Variants in BZW2 observed in about 807,000 individuals in gnomAD.
BZW2 encodes the protein basic leucine zipper and W2 domains 2.
Under a neutral mutation model 53.2 loss-of-function variants are expected in BZW2, and 23 were observed. The ratio of observed to expected loss-of-function variants is 0.43; its 90% CI spans 0.31 to 0.61. The LOEUF (loss-of-function observed/expected upper bound fraction) is 0.61, where lower values mean the gene tolerates loss of function less well. BZW2 is among the 20% of genes least tolerant of loss of function. BZW2 has a pLI of 0.09. For missense variants in BZW2, 409 were observed against 503.1 expected, an observed-to-expected ratio of 0.81 and a Z score of 1.79; for synonymous variants, 227 against 186.4, an observed-to-expected ratio of 1.22 and a Z score of -1.77.
At chr7:16,684,293 T>C (rs981726710) in intron 5 of BZW2, among the ~76,000 whole-genome samples, 5 of 152,324 alleles carry the variant, frequency 3.3e-5, no homozygotes, top group African/African-American at 1.2e-4. Context: ...TTTTCTGTAA[T>C]TGGAGATGGA....
At chr7:16,658,320 A>AGTT (rs1782168706) in intron 1 of BZW2, among the ~76,000 whole-genome samples, 1 of 152,208 alleles carries the variant, frequency 6.6e-6, no homozygotes, top group Non-Finnish European at 1.5e-5. Flanking sequence ...GACATTGTGT[A>AGTT]GTTGCCTTAA....
Position 16,689,856 on chromosome 7 carries a change from A to C in BZW2, c.601A>C (p.Asn201His), listed in dbSNP as rs1225135493. The C allele has an allele frequency of 6.2e-7, 1 of 1,612,324 alleles. No individual in the cohort carries two copies. The highest frequency in any genetic ancestry group is 8.5e-7 in the Non-Finnish European group (1 of 1,179,152). ...AGCATGGATGGCAGAAAAAGATGCCAACTCTGTTACCTCGTCTTTGAGAAA... is the reference window on the plus strand; with the variant it reads ...AGCATGGATGGCAGAAAAAGATGCCCACTCTGTTACCTCGTCTTTGAGAAA... ...FKAWMAEKDA[N>H]SVTSSLRKAN... The change falls in exon 7 of 12, where the codon AAC (asparagine) becomes CAC (histidine). Residue 201 changes from asparagine to histidine, a missense_variant. Physicochemically the swap from Asn to His is moderately conservative, Grantham distance 68. Around this residue, in one of 3 missense-constraint regions of BZW2, gnomAD observed 316 missense variants for 366.8 expected, o/e 0.86. Coordinates refer to ENST00000258761, the MANE Select transcript of BZW2 (RefSeq NM_014038.3).
chr7:16,659,872 T>G (rs991724008), intron 1 of BZW2, among the ~76,000 whole-genome samples: 1 of 151,984 alleles, frequency 6.6e-6, no homozygotes, highest in Non-Finnish European at 1.5e-5. Context: ...TTATTATACT[T>G]TAAGTTCTAG....
intron 5 of BZW2, 127 bp downstream of exon 5, chr7:16,682,972 T>G: frequency 2.2e-6 from 1 of 450,518 alleles, no homozygotes; most frequent in Non-Finnish European, 3.7e-6. Flanking sequence ...CCGAGACGGG[T>G]GGGTCACAAG....
chr7:16,660,685 G>C (rs1782230748), intron 1 of BZW2, among the ~76,000 whole-genome samples: 1 of 152,108 alleles, frequency 6.6e-6, no homozygotes, highest in South Asian at 2.1e-4. Flanking sequence ...TTTAAATTTA[G>C]TTAATGGAAA....
intron 2 of BZW2, among the ~76,000 whole-genome samples, chr7:16,668,074 T>G (rs942220041): frequency 6.6e-6 from 1 of 152,212 alleles, no homozygotes; most frequent in Admixed American, 6.5e-5. Context: ...AATGTGATAA[T>G]AGCTAATATA....
intron 1 of BZW2, among the ~76,000 whole-genome samples, chr7:16,656,108 CAT>C (rs1261242615): frequency 5.4e-4 from 79 of 146,778 alleles, no homozygotes; most frequent in African/African-American, 2.1e-3. Flanking sequence ...TGTATATATA[CAT>C]ATATATGTGT....
intron 3 of BZW2, among the ~76,000 whole-genome samples, chr7:16,680,192 G>A (rs1306229036): frequency 3.3e-5 from 5 of 152,098 alleles, no homozygotes; most frequent in African/African-American, 9.7e-5. Context: ...AGTCAGATCT[G>A]GTCAGTTCTG....
At chr7:16,703,593 G>T (rs915505065) in intron 10 of BZW2, among the ~76,000 whole-genome samples, 1 of 151,782 alleles carries the variant, frequency 6.6e-6, no homozygotes, top group Non-Finnish European at 1.5e-5. Context: ...CACATCTCGG[G>T]GACAATAATA....
At position 16,706,416 on chromosome 7, in the gene BZW2, C is replaced by G. The variant is rs1783859180; in HGVS notation, c.*328C>G. On this transcript the variant is annotated 3_prime_UTR_variant, in exon 12 of 12. Transcript: ENST00000258761. ...GTATTTTTCAGGTACTGTGTGGTGA[C>G]CGCCCCACTGGTGTCTATTACAGGC... The G allele has an allele frequency of 4.2e-6, 1 of 240,474 alleles. No individual in the cohort carries two copies. Among genetic ancestry groups the G allele is most frequent in the African/African-American group, 2.3e-5 (1 of 44,254 alleles). 14.9% of individuals were successfully genotyped at this position (240,474 alleles called of 1,614,324 possible).
In BZW2 at chr7:16,706,091, G is replaced by T. The variant is rs7780235; in HGVS notation, c.*3G>T. 4.5e-3 allele frequency: 7,325 copies of T among 1,613,226 alleles called. 262 individuals are homozygous for T. In the African/African-American group the frequency reaches 0.086, roughly 19 times the overall value. On this transcript the variant is annotated 3_prime_UTR_variant, in exon 12 of 12. Coordinates refer to ENST00000258761, the MANE Select transcript of BZW2 (RefSeq NM_014038.3). ...AATCGGAAGGTGAGGAAAATTAAAT[G>T]GCTCAACAAGCACAATACCTAGGTT...
At chr7:16,697,537 T>G (rs966144648) in intron 9 of BZW2, among the ~76,000 whole-genome samples, 1 of 152,202 alleles carries the variant, frequency 6.6e-6, no homozygotes, top group Non-Finnish European at 1.5e-5. Flanking sequence ...CATGTTACTT[T>G]GATCAGGGAA....
chr7:16,686,283 G>A, intron 6 of BZW2: 1 of 448,136 alleles, frequency 2.2e-6, no homozygotes, highest in East Asian at 4.5e-5. Flanking sequence ...AAGACTAATA[G>A]CAAATTAAAA....
chr7:16,649,383 G>C (rs995040839), intron 1 of BZW2, among the ~76,000 whole-genome samples: 8 of 152,152 alleles, frequency 5.3e-5, no homozygotes, highest in Non-Finnish European at 8.8e-5. Context: ...AGGTGAGGTG[G>C]CACTAAGCAC....
At chr7:16,666,092 A>G (rs982262226) in intron 2 of BZW2, among the ~76,000 whole-genome samples, 1 of 151,972 alleles carries the variant, frequency 6.6e-6, no homozygotes, top group African/African-American at 2.4e-5. Context: ...TTGTGTAAAT[A>G]ATATTTTATA....
intron 10 of BZW2, among the ~76,000 whole-genome samples, chr7:16,702,185 A>C (rs1783687653): frequency 6.6e-6 from 1 of 152,162 alleles, no homozygotes; most frequent in Admixed American, 6.5e-5. Context: ...TTAGTGAGGG[A>C]AAAAATTGTC....
chr7:16,700,142 A>G (rs993290367), intron 10 of BZW2, among the ~76,000 whole-genome samples: 1 of 152,244 alleles, frequency 6.6e-6, no homozygotes, highest in Admixed American at 6.5e-5. Context: ...ATGTAAACCT[A>G]AAACACATCA....
intron 7 of BZW2, among the ~76,000 whole-genome samples, chr7:16,691,479 C>T (rs1434167047): frequency 2.0e-5 from 3 of 152,186 alleles, no homozygotes; most frequent in African/African-American, 7.2e-5. Flanking sequence ...CCTTTTCATT[C>T]GGGCACAGGC....
rs114469613 is a variant in BZW2 at position 16,646,210 on chromosome 7, T to C, written c.-86T>C. The C allele has an allele frequency of 4.9e-3, 1,675 of 343,372 alleles. 29 individuals carry two copies. The highest frequency in any genetic ancestry group is 0.035 in the African/African-American group (1,578 of 45,352). The allele number at this position is 343,372 out of a possible 1,614,324, so 21.3% of individuals were successfully genotyped here. ...CTCCATTGTCTGCCGCCACTGCTGC[T>C]GCTGCTGCTGCTGCCGCTGCTGCTG... On this transcript the variant is annotated 5_prime_UTR_variant, in exon 1 of 12. Transcript: ENST00000258761.
Sources: gnomAD v4.1 joint callset for allele counts (sites outside exome capture counted in the v4.1 genomes callset) on GRCh38, gnomAD v4.1.1 for gene constraint, gnomAD v4.1.1 regional missense constraint, MANE v1.5 for transcripts, NCBI Gene and HGNC (gene_info 2026-07-23, HGNC 2026-07-21) for gene names.